Variants in GRID2 observed in about 807,000 individuals in gnomAD.
GRID2 encodes the protein glutamate ionotropic receptor delta type subunit 2.
In GRID2, 33 loss-of-function variants were observed where a neutral mutation model predicts 114.8. The observed-to-expected ratio is 0.29, with a 90% CI of 0.22 to 0.38. The LOEUF (loss-of-function observed/expected upper bound fraction) is 0.38, where lower values mean the gene tolerates loss of function less well. GRID2 is among the 10% of genes least tolerant of loss of function. The pLI is 1.00. For missense variants in GRID2, 1,184 were observed against 1,257.7 expected, an observed-to-expected ratio of 0.94 and a Z score of 0.89; for synonymous variants, 505 against 449.9, an observed-to-expected ratio of 1.12 and a Z score of -1.55.
intron 8 of GRID2, among the ~76,000 whole-genome samples, chr4:93,271,606 G>C (rs1243342217): frequency 1.3e-5 from 2 of 152,176 alleles, no homozygotes; most frequent in African/African-American, 4.8e-5. Context: ...ACTAAGGTTA[G>C]AGGTTTTTAA....
intron 1 of GRID2, among the ~76,000 whole-genome samples, chr4:92,444,192 T>G (rs914495654): frequency 1.3e-5 from 2 of 152,194 alleles, no homozygotes. Context: ...ATCCGAGTCA[T>G]GGCACCAAAA....
intron 2 of GRID2, among the ~76,000 whole-genome samples, chr4:92,609,158 C>G (rs1482180330): frequency 6.6e-6 from 1 of 151,684 alleles, no homozygotes; most frequent in Non-Finnish European, 1.5e-5. Flanking sequence ...ACTTGTTTTT[C>G]CTTACATGCT....
At chr4:93,016,058 T>C (rs1288166655) in intron 2 of GRID2, among the ~76,000 whole-genome samples, 4 of 113,584 alleles carry the variant, frequency 3.5e-5, no homozygotes, top group South Asian at 5.6e-4. Context: ...GAAGTGTGTG[T>C]GTGAGTGTGT....
chr4:92,948,228 T>A (rs1354012276), intron 2 of GRID2, among the ~76,000 whole-genome samples: 1 of 151,904 alleles, frequency 6.6e-6, no homozygotes, highest in African/African-American at 2.4e-5. Flanking sequence ...TTATAATATG[T>A]TATATAGTTT....
At chr4:93,667,023 A>C (rs1028223418) in intron 14 of GRID2, among the ~76,000 whole-genome samples, 5 of 152,258 alleles carry the variant, frequency 3.3e-5, no homozygotes, top group Non-Finnish European at 5.9e-5. Flanking sequence ...TTAATTGTAC[A>C]AACATCTATT....
At chr4:93,127,337 G>A (rs1734367947) in intron 4 of GRID2, among the ~76,000 whole-genome samples, 1 of 152,002 alleles carries the variant, frequency 6.6e-6, no homozygotes, top group African/African-American at 2.4e-5. Flanking sequence ...CCATCTGAGG[G>A]ACAAGAGTGT....
intron 2 of GRID2, among the ~76,000 whole-genome samples, chr4:93,027,277 T>C (rs1200211442): frequency 1.3e-5 from 2 of 152,090 alleles, no homozygotes; most frequent in African/African-American, 4.8e-5. Flanking sequence ...GATGGTTTGT[T>C]TCACTGATGC....
chr4:92,865,960 A>C (rs992441082), intron 2 of GRID2, among the ~76,000 whole-genome samples: 1 of 152,224 alleles, frequency 6.6e-6, no homozygotes, highest in Non-Finnish European at 1.5e-5. Flanking sequence ...AAAATGAAAA[A>C]TTAATTTCAG....
chr4:92,971,302 A>T (rs1216846281), intron 2 of GRID2, among the ~76,000 whole-genome samples: 2 of 152,184 alleles, frequency 1.3e-5, no homozygotes, highest in East Asian at 3.9e-4. Flanking sequence ...CTTTATACAA[A>T]AATAAATTAC....
rs66780792 is a variant in GRID2, at chr4:93,108,624, ATT to A, written c.530-2115_530-2114del. ...ATCTGCTCTGTCTGCTCTGACATGT[ATT>A]TTTTTTTTCTTTTTTTTTTTTTGAG... On this transcript the variant is annotated intron_variant, in intron 3 of 15. Transcript: ENST00000282020. 7.0e-5 allele frequency among the ~76,000 whole-genome samples: 10 copies of A among 142,776 alleles called. No individual in the cohort carries two copies. In the East Asian group the frequency reaches 1.2e-3, roughly 18 times the overall value. The allele number at this position is 142,776 out of a possible 152,430, so 93.7% of individuals were successfully genotyped here.
At chr4:93,393,350 G>A (rs879278214) in intron 8 of GRID2, among the ~76,000 whole-genome samples, 3 of 151,426 alleles carry the variant, frequency 2.0e-5, no homozygotes, top group Non-Finnish European at 3.0e-5. Flanking sequence ...TGAGTCAGGC[G>A]GAAAAAAAAG....
chr4:93,144,861 A>T (rs540998801), intron 4 of GRID2, among the ~76,000 whole-genome samples: 1 of 152,326 alleles, frequency 6.6e-6, no homozygotes, highest in East Asian at 1.9e-4. Flanking sequence ...AAAAAGCAAC[A>T]TTAATCATCT....
chr4:93,611,782 G>T (rs1740948448), intron 13 of GRID2, among the ~76,000 whole-genome samples: 1 of 148,570 alleles, frequency 6.7e-6, no homozygotes, highest in Admixed American at 6.7e-5. Flanking sequence ...TGAAAAAAAT[G>T]TATATTCTGT....
chr4:92,979,473 G>A (rs1225934174), intron 2 of GRID2, among the ~76,000 whole-genome samples: 1 of 151,900 alleles, frequency 6.6e-6, no homozygotes, highest in Non-Finnish European at 1.5e-5. Context: ...CGTTTTTCAG[G>A]CCTATGAATA....
At chr4:92,982,845 T>A (rs912545470) in intron 2 of GRID2, among the ~76,000 whole-genome samples, 4 of 152,292 alleles carry the variant, frequency 2.6e-5, no homozygotes, top group Middle Eastern at 3.4e-3. Context: ...TCTACTTTTT[T>A]AATTTAACAA....
At chr4:92,424,562 C>T (rs1560621261) in intron 1 of GRID2, among the ~76,000 whole-genome samples, 1 of 151,778 alleles carries the variant, frequency 6.6e-6, no homozygotes, top group Non-Finnish European at 1.5e-5. Flanking sequence ...ACACATAAGC[C>T]ACCAACATGT....
At chr4:92,328,279 G>A (rs980209788) in intron 1 of GRID2, among the ~76,000 whole-genome samples, 13 of 152,050 alleles carry the variant, frequency 8.5e-5, no homozygotes, top group Non-Finnish European at 1.5e-4. Flanking sequence ...AGGTGCAAGA[G>A]AGTGACAGGT....
intron 9 of GRID2, among the ~76,000 whole-genome samples, chr4:93,406,337 A>C (rs1766413029): frequency 6.6e-6 from 1 of 152,190 alleles, no homozygotes; most frequent in Non-Finnish European, 1.5e-5. Context: ...TGGAGACATG[A>C]AAGTATGGAT....
At chr4:92,653,068 C>T (rs1388125970) in intron 2 of GRID2, among the ~76,000 whole-genome samples, 7 of 147,324 alleles carry the variant, frequency 4.8e-5, no homozygotes, top group Non-Finnish European at 1.0e-4. Context: ...TCCAGTGGCA[C>T]GATCACTGCA....
Sources: gnomAD v4.1 joint callset for allele counts (sites outside exome capture counted in the v4.1 genomes callset) on GRCh38, gnomAD v4.1.1 for gene constraint, MANE v1.5 for transcripts, NCBI Gene and HGNC (gene_info 2026-07-23, HGNC 2026-07-21) for gene names.